RBM47: variants seen among roughly 807,000 people sequenced by gnomAD.
RBM47 encodes the protein RNA binding motif protein 47, also known as RNA-binding protein 47.
In RBM47, 21 loss-of-function variants were observed where a neutral mutation model predicts 47.1. That is an observed-to-expected ratio of 0.45 (90% CI 0.32 to 0.64). The LOEUF (loss-of-function observed/expected upper bound fraction) is 0.64. RBM47 is among the 30% of genes least tolerant of loss of function. RBM47 has a pLI of 0.05. For missense variants in RBM47, 708 were observed against 870.9 expected, an observed-to-expected ratio of 0.81 and a Z score of 2.35; for synonymous variants, 375 against 361.7, an observed-to-expected ratio of 1.04 and a Z score of -0.42.
chr4:40,450,930 G>A (rs1445964678), intron 3 of RBM47, among the ~76,000 whole-genome samples: 2 of 152,120 alleles, frequency 1.3e-5, no homozygotes, highest in Non-Finnish European at 2.9e-5. Flanking sequence ...AGTCTATCTT[G>A]GAGCTGTGTA....
intron 2 of RBM47, among the ~76,000 whole-genome samples, chr4:40,484,139 A>G (rs1190544552): frequency 2.0e-5 from 3 of 152,230 alleles, no homozygotes; most frequent in Non-Finnish European, 4.4e-5. Context: ...TGTAGGGTAC[A>G]ATTTCTACTG....
At chr4:40,549,935 G>T (rs1014537621) in intron 1 of RBM47, among the ~76,000 whole-genome samples, 2 of 152,208 alleles carry the variant, frequency 1.3e-5, no homozygotes, top group Admixed American at 1.3e-4. Flanking sequence ...CTCCCAAAGT[G>T]CTGGGATTAC....
In RBM47 at chr4:40,553,921, T is replaced by C. The variant is rs78142035; in HGVS notation, c.-239-9415A>G. ...CGATCAGAGACATTTGAAGGTAAAA[T>C]AGGGCCTTCGTCGTAAGATGAGCCA... On this transcript the variant is annotated intron_variant, in intron 1 of 6. Coordinates refer to ENST00000295971, the MANE Select transcript of RBM47 (RefSeq NM_001098634.2). Among the ~76,000 whole-genome samples, 786 of 152,280 alleles carry C rather than the reference T, an allele frequency of 5.2e-3. 8 individuals are homozygous for C. Among genetic ancestry groups the C allele is most frequent in the African/African-American group, 0.018 (732 of 41,546 alleles).
intron 1 of RBM47, among the ~76,000 whole-genome samples, chr4:40,616,946 G>C (rs1320186530): frequency 7.0e-6 from 1 of 142,516 alleles, no homozygotes; most frequent in East Asian, 2.0e-4. Flanking sequence ...CGCGATCTTG[G>C]CTCACTGCAA....
At chr4:40,470,620 G>T (rs1055554590) in intron 2 of RBM47, among the ~76,000 whole-genome samples, 1 of 152,174 alleles carries the variant, frequency 6.6e-6, no homozygotes, top group African/African-American at 2.4e-5. Flanking sequence ...AGATGCTCCA[G>T]TCTAATATCA....
intron 1 of RBM47, among the ~76,000 whole-genome samples, chr4:40,588,332 C>T (rs16852377): frequency 0.045 from 6,910 of 152,220 alleles, 502 homozygotes; most frequent in African/African-American, 0.15. Flanking sequence ...ACTCCTGGGC[C>T]AGTTTCCCTT....
chr4:40,493,888 A>G (rs1271589273), intron 2 of RBM47, among the ~76,000 whole-genome samples: 2 of 151,580 alleles, frequency 1.3e-5, no homozygotes, highest in East Asian at 3.9e-4. Flanking sequence ...GCAGTGAGCC[A>G]AGATCGCACC....
Position 40,429,116 on chromosome 4 carries a change from C to T in RBM47, c.1543-2973G>A, listed in dbSNP as rs149450625. On this transcript the variant is annotated intron_variant, in intron 6 of 6. Coordinates refer to ENST00000295971, the MANE Select transcript of RBM47 (RefSeq NM_001098634.2). ...CATCCCTTTGTCCAGGAAAACGACA[C>T]TGTCTGTGCTCCATGCCCATGTCAC... Among the ~76,000 whole-genome samples, 734 of 152,288 alleles carry T rather than the reference C, an allele frequency of 4.8e-3. 5 individuals carry two copies. Among genetic ancestry groups the T allele is most frequent in the African/African-American group, 0.017 (706 of 41,536 alleles).
chr4:40,609,542 A>G (rs1276382345), intron 1 of RBM47, among the ~76,000 whole-genome samples: 4 of 144,386 alleles, frequency 2.8e-5, no homozygotes, highest in Non-Finnish European at 6.1e-5. Flanking sequence ...CGAACTCCTG[A>G]CCTCAAGTGA....
chr4:40,504,345 C>T (rs996409494), intron 2 of RBM47, among the ~76,000 whole-genome samples: 1 of 145,486 alleles, frequency 6.9e-6, no homozygotes, highest in East Asian at 2.0e-4. Context: ...GTCTAGAGTG[C>T]AGTAGTGCAA....
intron 1 of RBM47, among the ~76,000 whole-genome samples, chr4:40,594,020 C>A (rs183124083): frequency 1.3e-5 from 2 of 152,066 alleles, no homozygotes; most frequent in Non-Finnish European, 2.9e-5. Context: ...CCATTGCACT[C>A]CAGCCTGGGA....
intron 3 of RBM47, among the ~76,000 whole-genome samples, chr4:40,445,273 CAAAAA>C (rs35418476): frequency 9.4e-6 from 1 of 106,620 alleles, no homozygotes; most frequent in Admixed American, 9.6e-5. Flanking sequence ...GACTCCGTCT[CAAAAA>C]AAAAAAAAAA....
At chr4:40,494,776 T>C (rs1722356255) in intron 2 of RBM47, among the ~76,000 whole-genome samples, 1 of 152,158 alleles carries the variant, frequency 6.6e-6, no homozygotes, top group Admixed American at 6.5e-5. Flanking sequence ...TTTCTCATCC[T>C]GCAGATAAGA....
chr4:40,436,900 A>T, intron 4 of RBM47: 1 of 613,004 alleles, frequency 1.6e-6, no homozygotes, highest in Non-Finnish European at 3.0e-6. Flanking sequence ...AATTTCAGTA[A>T]AGAAAAACAT....
intron 1 of RBM47, among the ~76,000 whole-genome samples, chr4:40,591,391 T>C (rs1734121190): frequency 6.6e-6 from 1 of 151,988 alleles, no homozygotes; most frequent in Non-Finnish European, 1.5e-5. Flanking sequence ...GATAAGAAAA[T>C]CAGATATGTG....
Position 40,554,405 on chromosome 4 carries a change from C to CAAA in RBM47, c.-239-9902_-239-9900dup, listed in dbSNP as rs59793972. ...AAAGTGGGATATGCAAAGCAAACCT[C>CAAA]AAAAAAAAAAAAAAAAAAAGACAAA... On this transcript the variant is annotated intron_variant, in intron 1 of 6. Coordinates refer to ENST00000295971, the MANE Select transcript of RBM47 (RefSeq NM_001098634.2). Among the ~76,000 whole-genome samples, 201 of 91,018 alleles carry CAAA rather than the reference C, an allele frequency of 2.2e-3. 1 individual carries two copies. Among genetic ancestry groups the CAAA allele is most frequent in the African/African-American group, 3.0e-3 (86 of 29,062 alleles). The allele number at this position is 91,018 out of a possible 152,430, so 59.7% of individuals were successfully genotyped here.
rs572635575 is a variant in RBM47, at chr4:40,569,662, G to A, written c.-239-25156C>T. On this transcript the variant is annotated intron_variant, in intron 1 of 6. Coordinates refer to ENST00000295971, the MANE Select transcript of RBM47 (RefSeq NM_001098634.2). ...CTGACCTGGTGATCCGCCCGCCTTGGCCTCCCAAAGTGCTGGGATTACAGG... is the reference window on the plus strand; with the variant it reads ...CTGACCTGGTGATCCGCCCGCCTTGACCTCCCAAAGTGCTGGGATTACAGG... 3.5e-4 allele frequency among the ~76,000 whole-genome samples: 53 copies of A among 151,456 alleles called. No individual in the cohort carries two copies. The South Asian group carries it at 0.011, about 30-fold the overall frequency.
At chr4:40,613,103 A>G (rs903491377) in intron 1 of RBM47, among the ~76,000 whole-genome samples, 1 of 152,216 alleles carries the variant, frequency 6.6e-6, no homozygotes, top group Admixed American at 6.5e-5. Context: ...CAGTCCAGCT[A>G]TACACCAGCA....
intron 3 of RBM47, among the ~76,000 whole-genome samples, chr4:40,443,271 G>C (rs1713943044): frequency 6.6e-6 from 1 of 151,958 alleles, no homozygotes; most frequent in Non-Finnish European, 1.5e-5. Flanking sequence ...TATACTTCCT[G>C]CCAATGAACC....
Sources: gnomAD v4.1 joint callset for allele counts (sites outside exome capture counted in the v4.1 genomes callset) on GRCh38, gnomAD v4.1.1 for gene constraint, MANE v1.5 for transcripts, NCBI Gene and HGNC (gene_info 2026-07-23, HGNC 2026-07-21) for gene names.